PFN2: variants seen among roughly 807,000 people sequenced by gnomAD.
PFN2 encodes profilin-2.
Under a neutral mutation model 15.3 loss-of-function variants are expected in PFN2, and 8 were observed. That is an observed-to-expected ratio of 0.52 (90% CI 0.31 to 0.95). The LOEUF is 0.95. Ranked by LOEUF, PFN2 falls within the 40% of genes least tolerant of loss-of-function variation. The pLI is 0.05. For synonymous variants in PFN2, 79 were observed against 67.9 expected (o/e 1.16, Z -0.81); for missense variants, 111 against 182.3 (o/e 0.61, Z 2.25).
Position 149,965,878 on chromosome 3 carries a change from G to C in PFN2, c.*611C>G. 8.2e-7 allele frequency: 1 copy of C among 1,217,090 alleles called. No individual in the cohort carries two copies. Among genetic ancestry groups the C allele is most frequent in the Non-Finnish European group, 1.0e-6 (1 of 975,382 alleles). The allele number at this position is 1,217,090 out of a possible 1,614,324, so 75.4% of individuals were successfully genotyped here. ...CCTTGCTTAATATTAACTTATTTTA[G>C]TAATCAATATCCCATTAATTGCTAA... On this transcript the variant is annotated 3_prime_UTR_variant, in exon 3 of 3. Coordinates refer to ENST00000239940, the MANE Select transcript of PFN2 (RefSeq NM_053024.4).
intron 1 of PFN2, 71 bp from the exon 2 acceptor site, chr3:149,968,621 G>A (rs1386735391): frequency 1.5e-6 from 2 of 1,320,344 alleles, no homozygotes; most frequent in South Asian, 2.7e-5. Flanking sequence ...TTTAGGGCTT[G>A]ATGTAACAGG....
At chr3:149,968,591 T>C in intron 1 of PFN2, 41 bp from the exon 2 acceptor site, 12 of 1,398,614 alleles carry the variant, frequency 8.6e-6, no homozygotes, top group Non-Finnish European at 1.2e-5. Context: ...CACACACACA[T>C]TAAGTTGTAG....
At position 149,970,887 on chromosome 3, in the gene PFN2, G is replaced by A. The variant is rs967869426; in HGVS notation, c.-31C>T. 50 of 1,308,232 alleles carry A rather than the reference G, an allele frequency of 3.8e-5. No individual in the cohort carries two copies. The highest frequency in any genetic ancestry group is 4.6e-5 in the Non-Finnish European group (47 of 1,011,490). 81.0% of individuals were successfully genotyped at this position (1,308,232 alleles called of 1,614,324 possible). Reference sequence around the variant, plus strand: ...AGCCCTTCGCACTGCAGCGCGGACGGCGAGGAGCAGCAGGCGCAGCGGCGG... The same window carrying A: ...AGCCCTTCGCACTGCAGCGCGGACGACGAGGAGCAGCAGGCGCAGCGGCGG... On this transcript the variant is annotated 5_prime_UTR_variant, in exon 1 of 3. Coordinates refer to ENST00000239940, the MANE Select transcript of PFN2 (RefSeq NM_053024.4).
intron 1 of PFN2, 40 bp from the exon 2 acceptor site, chr3:149,968,590 A>C (rs970140663): frequency 1.4e-6 from 2 of 1,379,554 alleles, no homozygotes; most frequent in African/African-American, 1.5e-5. Flanking sequence ...ACACACACAC[A>C]TTAAGTTGTA....
chr3:149,969,347 A>G (rs1255672266), intron 1 of PFN2, among the ~76,000 whole-genome samples: 1 of 152,204 alleles, frequency 6.6e-6, no homozygotes, highest in Non-Finnish European at 1.5e-5. Context: ...CATTCCATGA[A>G]TAAGAAGGAA....
rs1237236046 is a variant in PFN2, at chr3:149,965,193, A to G, written c.*1296T>C. 6.6e-7 allele frequency: 1 copy of G among 1,507,112 alleles called. No individual in the cohort carries two copies. The highest frequency in any genetic ancestry group is 2.2e-5 in the Admixed American group (1 of 46,086). 93.4% of individuals were successfully genotyped at this position (1,507,112 alleles called of 1,614,324 possible). On this transcript the variant is annotated 3_prime_UTR_variant, in exon 3 of 3. Coordinates refer to ENST00000239940, the MANE Select transcript of PFN2 (RefSeq NM_053024.4). Reference sequence around the variant, plus strand: ...TCTCACAATAGCAACAGTTCATTTTAACAATAGTATGGCACAGAATACATA... The same window carrying G: ...TCTCACAATAGCAACAGTTCATTTTGACAATAGTATGGCACAGAATACATA...
chr3:149,965,216 A>G lies in PFN2; in HGVS notation c.*1273T>C. On this transcript the variant is annotated 3_prime_UTR_variant, in exon 3 of 3. Coordinates refer to ENST00000239940, the MANE Select transcript of PFN2 (RefSeq NM_053024.4). The stretch of plus-strand genomic sequence containing the variant: ...TTAACAATAGTATGGCACAGAATAC[A>G]TATGAAAAAAATTCATCACAAGACA... The G allele has an allele frequency of 6.5e-7, 1 of 1,530,028 alleles. No individual in the cohort carries two copies. Among genetic ancestry groups the G allele is most frequent in the Non-Finnish European group, 8.7e-7 (1 of 1,143,804 alleles). 94.8% of individuals were successfully genotyped at this position (1,530,028 alleles called of 1,614,324 possible).
chr3:149,968,640 T>C, intron 1 of PFN2, 90 bp from the exon 2 acceptor site: 2 of 1,077,862 alleles, frequency 1.9e-6, no homozygotes, highest in Non-Finnish European at 2.7e-6. Flanking sequence ...GGAAGGGCTG[T>C]AGCTAGGCTT....
Position 149,965,720 on chromosome 3 carries a change from G to GCA in PFN2, c.*768_*769insTG. On this transcript the variant is annotated 3_prime_UTR_variant, in exon 3 of 3. Coordinates refer to ENST00000239940, the MANE Select transcript of PFN2 (RefSeq NM_053024.4). ...CTATGTGCGAAGGGAGGGGGGGCGG[G>GCA]AAAAAGAGAAGAGTGAAGGAATGAT... The GCA allele has an allele frequency of 3.2e-6, 2 of 631,888 alleles. No homozygotes were observed. The highest frequency in any genetic ancestry group is 2.0e-6 in the Non-Finnish European group (1 of 510,478). 39.1% of individuals were successfully genotyped at this position (631,888 alleles called of 1,614,324 possible).
intron 1 of PFN2, 166 bp downstream of exon 1, chr3:149,970,559 G>A: frequency 3.5e-6 from 2 of 566,320 alleles, no homozygotes; most frequent in Non-Finnish European, 5.1e-6. Flanking sequence ...GGGCGTCCCC[G>A]GGCCTCGGCC....
In PFN2 at chr3:149,965,580, C is replaced by T; in HGVS notation, c.*909G>A. ...AAGGTTTGTCTCTGCTCAAGTGCAACAACAATACTAAAAGCAAACTACTGC... is the reference window on the plus strand; with the variant it reads ...AAGGTTTGTCTCTGCTCAAGTGCAATAACAATACTAAAAGCAAACTACTGC... On this transcript the variant is annotated 3_prime_UTR_variant, in exon 3 of 3. Transcript: ENST00000239940. 1 of 1,220,176 alleles carries T rather than the reference C, an allele frequency of 8.2e-7. No homozygotes were observed. Among genetic ancestry groups the T allele is most frequent in the Non-Finnish European group, 1.0e-6 (1 of 979,312 alleles). 75.6% of individuals were successfully genotyped at this position (1,220,176 alleles called of 1,614,324 possible). A position where few individuals can be genotyped will look rare whatever the true frequency, so the allele number is the denominator to read the frequency against.
At position 149,965,907 on chromosome 3, in the gene PFN2, A is replaced by G. The variant is rs2108629093; in HGVS notation, c.*582T>C. The G allele has an allele frequency of 7.7e-7, 1 of 1,298,848 alleles. No homozygotes were observed. The highest frequency in any genetic ancestry group is 2.1e-5 in the South Asian group (1 of 46,784). 80.5% of individuals were successfully genotyped at this position (1,298,848 alleles called of 1,614,324 possible). A position where few individuals can be genotyped will look rare whatever the true frequency, so the allele number is the denominator to read the frequency against. The stretch of plus-strand genomic sequence containing the variant: ...TCAATATCCCATTAATTGCTAAGAC[A>G]AAGTGATGCCCAACTTGGCATGCCC... On this transcript the variant is annotated 3_prime_UTR_variant, in exon 3 of 3. Transcript: ENST00000239940.
intron 1 of PFN2, among the ~76,000 whole-genome samples, chr3:149,969,901 G>T (rs778151466): frequency 6.6e-6 from 1 of 152,178 alleles, no homozygotes; most frequent in East Asian, 1.9e-4. Flanking sequence ...TTAGAGAAGT[G>T]AAGTGTGCTC....
At chr3:149,969,109 C>A (rs764899660) in intron 1 of PFN2, among the ~76,000 whole-genome samples, 8 of 152,178 alleles carry the variant, frequency 5.3e-5, no homozygotes, top group Non-Finnish European at 1.0e-4. Context: ...GACATCAGTG[C>A]TTTTCCAAAT....
At position 149,965,737 on chromosome 3, in the gene PFN2, A is replaced by C. The variant is rs767242344; in HGVS notation, c.*752T>G. Reference sequence around the variant, plus strand: ...GGGGGCGGGAAAAAGAGAAGAGTGAAGGAATGATGCATGCACTTTTTCCTC... The same window carrying C: ...GGGGGCGGGAAAAAGAGAAGAGTGACGGAATGATGCATGCACTTTTTCCTC... On this transcript the variant is annotated 3_prime_UTR_variant, in exon 3 of 3. Transcript: ENST00000239940. 1 of 1,041,926 alleles carries C rather than the reference A, an allele frequency of 9.6e-7. No individual in the cohort carries two copies. Among genetic ancestry groups the C allele is most frequent in the Non-Finnish European group, 1.2e-6 (1 of 865,950 alleles). 64.5% of individuals were successfully genotyped at this position (1,041,926 alleles called of 1,614,324 possible).
intron 1 of PFN2, among the ~76,000 whole-genome samples, chr3:149,969,627 A>G (rs1048185920): frequency 1.3e-5 from 2 of 152,238 alleles, no homozygotes; most frequent in African/African-American, 4.8e-5. Flanking sequence ...CACCCTTAAT[A>G]GGGGACCTGA....
chr3:149,969,725 C>T (rs1006815758), intron 1 of PFN2, among the ~76,000 whole-genome samples: 3 of 152,102 alleles, frequency 2.0e-5, no homozygotes, highest in Non-Finnish European at 4.4e-5. Flanking sequence ...ATTTTAGAAA[C>T]AGCCTTGGGC....
Position 149,970,892 on chromosome 3 carries a change from G to C in PFN2, c.-36C>G, listed in dbSNP as rs761910374. The C allele has an allele frequency of 3.1e-6, 4 of 1,285,704 alleles. No individual in the cohort carries two copies. Among genetic ancestry groups the C allele is most frequent in the South Asian group, 2.5e-5 (1 of 40,014 alleles). 79.6% of individuals were successfully genotyped at this position (1,285,704 alleles called of 1,614,324 possible). On this transcript the variant is annotated 5_prime_UTR_variant, in exon 1 of 3. Transcript: ENST00000239940. ...TTCGCACTGCAGCGCGGACGGCGAG[G>C]AGCAGCAGGCGCAGCGGCGGCGGCG...
chr3:149,968,724 A>G (rs1722759500), intron 1 of PFN2, 174 bp from the exon 2 acceptor site: 1 of 572,564 alleles, frequency 1.7e-6, no homozygotes, highest in Admixed American at 3.2e-5. Context: ...TAATTATTTA[A>G]TCCTATATAA....
Sources: gnomAD v4.1 joint callset for allele counts (sites outside exome capture counted in the v4.1 genomes callset) on GRCh38, gnomAD v4.1.1 for gene constraint, MANE v1.5 for transcripts, NCBI Gene and HGNC (gene_info 2026-07-23, HGNC 2026-07-21) for gene names.